The following CUEDC1 variants were observed in gnomAD, a reference collection of about 807,000 sequenced individuals.
CUEDC1 encodes the protein CUE domain-containing protein 1.
In CUEDC1, 30 loss-of-function variants were observed where a neutral mutation model predicts 43.7. The ratio of observed to expected loss-of-function variants is 0.69; its 90% CI spans 0.51 to 0.93. CUEDC1 has a LOEUF of 0.93. Among genes scored for constraint, CUEDC1 ranks in the 40% least tolerant of loss-of-function variants. CUEDC1 has a pLI of 0.00. For synonymous variants in CUEDC1, 223 were observed against 223.6 expected, an observed-to-expected ratio of 1.00 and a Z score of 0.02; for missense variants, 486 against 549.0, an observed-to-expected ratio of 0.89 and a Z score of 1.15.
chr17:57,875,189 A>C (rs1010649023), intron 3 of CUEDC1, among the ~76,000 whole-genome samples: 2 of 152,202 alleles, frequency 1.3e-5, no homozygotes, highest in Non-Finnish European at 2.9e-5. Flanking sequence ...AGGCTACAGC[A>C]GGGAGGGACC....
chr17:57,885,115 C>A, intron 2 of CUEDC1, 114 bp downstream of exon 2: 1 of 1,458,286 alleles, frequency 6.9e-7, no homozygotes, highest in Non-Finnish European at 9.0e-7. Flanking sequence ...AGCGGAGTAA[C>A]CCAGGTCCTC....
At chr17:57,947,643 A>G (rs1036557037) in intron 1 of CUEDC1, among the ~76,000 whole-genome samples, 22 of 152,166 alleles carry the variant, frequency 1.4e-4, no homozygotes, top group South Asian at 4.2e-4. Flanking sequence ...TACTAAAAAC[A>G]CAAAAAAATT....
intron 1 of CUEDC1, among the ~76,000 whole-genome samples, chr17:57,941,282 T>C (rs1477791675): frequency 6.6e-6 from 1 of 152,192 alleles, no homozygotes; most frequent in Admixed American, 6.5e-5. Context: ...CTATCCCACA[T>C]AGCAGAGGAC....
Position 57,885,398 on chromosome 17 carries a change from G to C in CUEDC1, c.167C>G (p.Thr56Ser). The C allele has an allele frequency of 6.2e-7, 1 of 1,610,370 alleles. No individual in the cohort carries two copies. Among genetic ancestry groups the C allele is most frequent in the Non-Finnish European group, 8.5e-7 (1 of 1,179,132 alleles). The change falls in exon 2 of 11, where the codon ACC becomes AGC. Residue 56 changes from threonine (T) to serine (S), a missense_variant. Coordinates refer to ENST00000577830, the MANE Select transcript of CUEDC1 (RefSeq NM_001271875.2). ...GTCGTAATCCATGTTGGGGAACATG[G>C]TCTTGAAGTCGTCCATGGCCTGGTT... ...EFNQAMDDFK[T>S]MFPNMDYDII... is the part of the protein sequence containing the mutation.
intron 1 of CUEDC1, among the ~76,000 whole-genome samples, chr17:57,941,064 A>G (rs368171542): frequency 3.3e-5 from 5 of 152,206 alleles, no homozygotes; most frequent in East Asian, 3.9e-4. Flanking sequence ...GCTGTAGACA[A>G]GTGCTTCCCT....
At chr17:57,891,082 C>T (rs1219452502) in intron 1 of CUEDC1, among the ~76,000 whole-genome samples, 1 of 152,194 alleles carries the variant, frequency 6.6e-6, no homozygotes, top group Non-Finnish European at 1.5e-5. Flanking sequence ...CATCCAGCCC[C>T]ATGGCTTGGA....
chr17:57,939,677 C>T (rs925450381), intron 1 of CUEDC1, among the ~76,000 whole-genome samples: 3 of 152,172 alleles, frequency 2.0e-5, no homozygotes, highest in East Asian at 1.9e-4. Context: ...CCTGGTGCTG[C>T]GTGATCATGC....
intron 3 of CUEDC1, among the ~76,000 whole-genome samples, chr17:57,878,286 C>T (rs1272680541): frequency 6.6e-6 from 1 of 152,186 alleles, no homozygotes; most frequent in Non-Finnish European, 1.5e-5. Flanking sequence ...GTTTCCTCGT[C>T]CATAAATAGG....
intron 1 of CUEDC1, among the ~76,000 whole-genome samples, chr17:57,895,122 T>A (rs1006107228): frequency 6.6e-6 from 1 of 152,210 alleles, no homozygotes; most frequent in Non-Finnish European, 1.5e-5. Context: ...ACTCTCTTCA[T>A]CCTCCCTACA....
At position 57,891,766 on chromosome 17, in the gene CUEDC1, C is replaced by T. The variant is rs73314221; in HGVS notation, c.-315-5887G>A. Among the ~76,000 whole-genome samples, 926 of 152,318 alleles carry T rather than the reference C, an allele frequency of 6.1e-3. 8 individuals are homozygous for T. The highest frequency in any genetic ancestry group is 0.021 in the African/African-American group (885 of 41,550). On this transcript the variant is annotated intron_variant, in intron 1 of 10. Coordinates refer to ENST00000577830, the MANE Select transcript of CUEDC1 (RefSeq NM_001271875.2). ...GTTCTGCTCCCACATATCTGCATGG[C>T]TCCCTTCCTTCTGGTCCCTACTCAA...
intron 1 of CUEDC1, among the ~76,000 whole-genome samples, chr17:57,898,988 G>A (rs76717358): frequency 0.12 from 18,766 of 152,276 alleles, 1,500 homozygotes; most frequent in Non-Finnish European, 0.17. Context: ...ATGGGCTCTG[G>A]GCAGCAGGAG....
intron 2 of CUEDC1, among the ~76,000 whole-genome samples, chr17:57,883,116 C>T (rs2074238419): frequency 6.6e-6 from 1 of 152,134 alleles, no homozygotes; most frequent in African/African-American, 2.4e-5. Context: ...ATTCCTTCCA[C>T]CACCTACTCC....
chr17:57,954,827 A>AG lies in CUEDC1; in HGVS notation c.-316+397dup, dbSNP rs1396246536. Among the ~76,000 whole-genome samples, 4 of 151,546 alleles carry AG rather than the reference A, an allele frequency of 2.6e-5. No homozygotes were observed. Among genetic ancestry groups the AG allele is most frequent in the Non-Finnish European group, 1.5e-5 (1 of 67,798 alleles). On this transcript the variant is annotated intron_variant, in intron 1 of 10. Coordinates refer to ENST00000577830, the MANE Select transcript of CUEDC1 (RefSeq NM_001271875.2). The surrounding 1 kb of genome is among the most constrained non-coding windows in gnomAD (Gnocchi z 4.3). ...CTGCGGGGAGGGGCGCCCACACAAA[A>AG]GGGGGAGCGGCGGGAGAGGGGACTC...
intron 3 of CUEDC1, among the ~76,000 whole-genome samples, chr17:57,875,066 T>C (rs1468844083): frequency 6.6e-6 from 1 of 152,028 alleles, no homozygotes; most frequent in East Asian, 1.9e-4. Context: ...CTAGGCCAAA[T>C]TTTTTTCTAC....
intron 1 of CUEDC1, among the ~76,000 whole-genome samples, chr17:57,927,296 C>G (rs1243509075): frequency 1.3e-5 from 2 of 151,854 alleles, no homozygotes; most frequent in Non-Finnish European, 2.9e-5. Flanking sequence ...CCTCCTCCTC[C>G]CCACTCCCCC....
intron 3 of CUEDC1, among the ~76,000 whole-genome samples, chr17:57,875,019 G>C (rs984159988): frequency 6.6e-6 from 1 of 152,136 alleles, no homozygotes; most frequent in Non-Finnish European, 1.5e-5. Flanking sequence ...GGAATGGTCT[G>C]GAGAGCAGCT....
intron 1 of CUEDC1, among the ~76,000 whole-genome samples, chr17:57,949,233 C>T (rs2143243070): frequency 1.3e-5 from 2 of 152,352 alleles, no homozygotes; most frequent in Non-Finnish European, 2.9e-5. Context: ...GTGCCCCCTT[C>T]CTCAGTGCTT....
chr17:57,909,156 T>C (rs1462289906), intron 1 of CUEDC1, among the ~76,000 whole-genome samples: 1 of 152,172 alleles, frequency 6.6e-6, no homozygotes, highest in Non-Finnish European at 1.5e-5. Context: ...TAATTTTTTT[T>C]GAGACGAAAT....
intron 1 of CUEDC1, among the ~76,000 whole-genome samples, chr17:57,891,356 C>T (rs1228229946): frequency 6.6e-6 from 1 of 152,238 alleles, no homozygotes; most frequent in African/African-American, 2.4e-5. Flanking sequence ...TTCTCTTATA[C>T]TCTATGTCCA....
Sources: gnomAD v4.1 joint callset for allele counts (sites outside exome capture counted in the v4.1 genomes callset) on GRCh38, gnomAD v4.1.1 for gene constraint, Gnocchi (gnomAD v3.1) non-coding constraint, MANE v1.5 for transcripts, NCBI Gene and HGNC (gene_info 2026-07-23, HGNC 2026-07-21) for gene names.